The following OTUD7A variants were observed in gnomAD, a reference collection of about 807,000 sequenced individuals.
OTUD7A encodes the protein OTU deubiquitinase 7A, also known as OTU domain-containing protein 7A.
A neutral mutation model predicts 65.7 loss-of-function variants in OTUD7A; 12 were observed. The observed-to-expected ratio is 0.18, with a 90% CI of 0.12 to 0.30. The LOEUF (loss-of-function observed/expected upper bound fraction) is 0.30. Among genes scored for constraint, OTUD7A ranks in the 10% least tolerant of loss-of-function variants. The pLI is 1.00. For missense variants in OTUD7A, 1,148 were observed against 1,304.8 expected, an observed-to-expected ratio of 0.88 and a Z score of 1.85; for synonymous variants, 641 against 586.3, an observed-to-expected ratio of 1.09 and a Z score of -1.35.
At chr15:31,840,414 G>A (rs375810881) in intron 1 of OTUD7A, among the ~76,000 whole-genome samples, 2 of 151,616 alleles carry the variant, frequency 1.3e-5, no homozygotes, top group East Asian at 3.9e-4. Flanking sequence ...CTCCAGCCTG[G>A]GCAATACAGC....
chr15:31,592,379 T>TA (rs200183376), intron 3 of OTUD7A, among the ~76,000 whole-genome samples: 3,385 of 142,496 alleles, frequency 0.024, 65 homozygotes, highest in Non-Finnish European at 0.029. Context: ...TAATCTTTTT[T>TA]TAAAAAAAAA....
chr15:31,539,383 G>C (rs1018211613), intron 5 of OTUD7A, among the ~76,000 whole-genome samples: 1 of 152,086 alleles, frequency 6.6e-6, no homozygotes, highest in African/African-American at 2.4e-5. Flanking sequence ...ATGACCCCGA[G>C]GTCTACACTT....
chr15:31,638,770 C>G (rs148236813), intron 3 of OTUD7A, among the ~76,000 whole-genome samples: 27 of 152,172 alleles, frequency 1.8e-4, no homozygotes, highest in African/African-American at 5.8e-4. Flanking sequence ...TTGCAGTGGT[C>G]TGGAACTGAA....
At chr15:31,860,584 T>C (rs1254517419) in intron 1 of OTUD7A, among the ~76,000 whole-genome samples, 2 of 136,320 alleles carry the variant, frequency 1.5e-5, no homozygotes, top group African/African-American at 5.3e-5. Context: ...TAAATACTTG[T>C]TCAAATGCTC....
At chr15:31,744,224 A>G (rs1280089637) in intron 1 of OTUD7A, among the ~76,000 whole-genome samples, 2 of 152,190 alleles carry the variant, frequency 1.3e-5, no homozygotes, top group African/African-American at 4.8e-5. Flanking sequence ...TACAACTTTA[A>G]GAAGATAAGA....
At chr15:31,586,820 C>T (rs146261587) in intron 3 of OTUD7A, among the ~76,000 whole-genome samples, 1 of 152,048 alleles carries the variant, frequency 6.6e-6, no homozygotes, top group Admixed American at 6.5e-5. Context: ...GCCACATTCC[C>T]TTGGCTTGCC....
intron 1 of OTUD7A, among the ~76,000 whole-genome samples, chr15:31,841,255 G>C (rs1367126411): frequency 6.6e-6 from 1 of 152,170 alleles, no homozygotes; most frequent in African/African-American, 2.4e-5. Context: ...CCCAGGACCA[G>C]AAGATACTGT....
chr15:31,740,318 G>C (rs780089795), intron 1 of OTUD7A, among the ~76,000 whole-genome samples: 1 of 152,240 alleles, frequency 6.6e-6, no homozygotes, highest in African/African-American at 2.4e-5. Context: ...GAGACTCTCC[G>C]CTTTCCCTCT....
intron 1 of OTUD7A, among the ~76,000 whole-genome samples, chr15:31,718,349 C>T (rs1893648426): frequency 6.6e-6 from 1 of 152,132 alleles, no homozygotes; most frequent in Non-Finnish European, 1.5e-5. Context: ...CAAATGGTGA[C>T]TATTTCCTTC....
intron 4 of OTUD7A, among the ~76,000 whole-genome samples, chr15:31,564,647 G>A (rs556843819): frequency 1.3e-5 from 2 of 152,162 alleles, no homozygotes; most frequent in Non-Finnish European, 2.9e-5. Context: ...AGTAAAAGTA[G>A]AATGTGTAAC....
intron 3 of OTUD7A, among the ~76,000 whole-genome samples, chr15:31,644,852 T>C (rs542249047): frequency 1.3e-4 from 20 of 152,218 alleles, no homozygotes; most frequent in Non-Finnish European, 2.6e-4. Context: ...TTATATTCAG[T>C]GCTTGTCCAG....
At position 31,683,835 on chromosome 15, in the gene OTUD7A, A is replaced by G. The variant is rs535351449; in HGVS notation, c.-99-26758T>C. Among the ~76,000 whole-genome samples, 13 of 152,238 alleles carry G rather than the reference A, an allele frequency of 8.5e-5. No individual in the cohort carries two copies. In the South Asian group the frequency reaches 2.5e-3, roughly 29 times the overall value. ...ATATCAAAATAACATATAATTTTTA[A>G]AAGGTTGGTTCTGAATTGAAACTGA... is the stretch of plus-strand genomic sequence containing the variant. On this transcript the variant is annotated intron_variant, in intron 1 of 12. Coordinates refer to ENST00000307050, the MANE Select transcript of OTUD7A (RefSeq NM_001382637.1).
At chr15:31,534,775 T>C (rs1036731526) in intron 5 of OTUD7A, among the ~76,000 whole-genome samples, 1 of 152,202 alleles carries the variant, frequency 6.6e-6, no homozygotes, top group Non-Finnish European at 1.5e-5. Context: ...GGATTGGTTC[T>C]GGGACCCCGC....
intron 3 of OTUD7A, among the ~76,000 whole-genome samples, chr15:31,641,251 T>A (rs1329197870): frequency 6.6e-6 from 1 of 152,152 alleles, no homozygotes; most frequent in Non-Finnish European, 1.5e-5. Context: ...TCCTTTGTCT[T>A]CCACCATGAC....
At chr15:31,801,866 T>C (rs1002729122) in intron 1 of OTUD7A, among the ~76,000 whole-genome samples, 1 of 152,158 alleles carries the variant, frequency 6.6e-6, no homozygotes, top group Non-Finnish European at 1.5e-5. Flanking sequence ...TATATATTTT[T>C]ATATAGACTG....
At chr15:31,741,381 C>A (rs760051570) in intron 1 of OTUD7A, among the ~76,000 whole-genome samples, 1 of 152,118 alleles carries the variant, frequency 6.6e-6, no homozygotes, top group Non-Finnish European at 1.5e-5. Context: ...GCACAATGTG[C>A]AGGTTTGATA....
chr15:31,746,107 C>A (rs997435395), intron 1 of OTUD7A, among the ~76,000 whole-genome samples: 1 of 152,176 alleles, frequency 6.6e-6, no homozygotes, highest in African/African-American at 2.4e-5. Context: ...TGATGCCACT[C>A]ATTTGGAAAA....
intron 3 of OTUD7A, among the ~76,000 whole-genome samples, chr15:31,604,105 A>G (rs1890165003): frequency 1.3e-5 from 2 of 152,244 alleles, no homozygotes; most frequent in South Asian, 4.1e-4. Flanking sequence ...TATATACCCA[A>G]AGGATTATAA....
At chr15:31,556,446 T>G (rs1158907204) in intron 5 of OTUD7A, 1 of 152,224 alleles carries the variant, frequency 6.6e-6, no homozygotes, top group East Asian at 1.9e-4. Context: ...TAAGTTTGGG[T>G]TTTTAAAAGG....
Sources: gnomAD v4.1 joint callset for allele counts (sites outside exome capture counted in the v4.1 genomes callset) on GRCh38, gnomAD v4.1.1 for gene constraint, MANE v1.5 for transcripts, NCBI Gene and HGNC (gene_info 2026-07-23, HGNC 2026-07-21) for gene names.